KIF6: variants seen among roughly 807,000 people sequenced by gnomAD.
KIF6 encodes the protein kinesin family member 6.
In KIF6, 106 loss-of-function variants were observed where a neutral mutation model predicts 112.7. That is an observed-to-expected ratio of 0.94 (90% CI 0.80 to 1.11). KIF6 has a LOEUF of 1.11. KIF6 is among the 50% of genes least tolerant of loss of function. The pLI is 0.00. For missense variants in KIF6, 929 were observed against 964.0 expected (o/e 0.96, Z 0.48); for synonymous variants, 339 against 339.9 (o/e 1.00, Z 0.03).
chr6:39,504,272 T>C (rs576241459), intron 13 of KIF6, among the ~76,000 whole-genome samples: 83 of 152,246 alleles, frequency 5.5e-4, no homozygotes, highest in African/African-American at 1.9e-3. Flanking sequence ...ATTATCTCAA[T>C]CGAAGCAGAA....
chr6:39,501,918 A>G (rs1374566568), intron 13 of KIF6, among the ~76,000 whole-genome samples: 27 of 152,246 alleles, frequency 1.8e-4, no homozygotes. Context: ...ACTTCAGGAA[A>G]TCATCCAGGA....
chr6:39,344,735 C>G (rs1276521389), intron 21 of KIF6, among the ~76,000 whole-genome samples: 1 of 152,182 alleles, frequency 6.6e-6, no homozygotes, highest in Non-Finnish European at 1.5e-5. Flanking sequence ...TCATATCATT[C>G]AGTGCTGTGT....
intron 13 of KIF6, among the ~76,000 whole-genome samples, chr6:39,435,917 T>C (rs73424680): frequency 0.029 from 4,388 of 152,306 alleles, 211 homozygotes; most frequent in African/African-American, 0.1. Context: ...GATTTACGTT[T>C]AGTTCTTTGA....
chr6:39,491,449 C>T (rs904672192), intron 13 of KIF6, among the ~76,000 whole-genome samples: 3 of 152,256 alleles, frequency 2.0e-5, no homozygotes, highest in African/African-American at 7.2e-5. Context: ...TTCCCAAACT[C>T]CTGATCCAGA....
intron 3 of KIF6, among the ~76,000 whole-genome samples, chr6:39,671,377 G>C (rs1786807772): frequency 6.6e-6 from 1 of 152,190 alleles, no homozygotes. Context: ...GAGATCTCTA[G>C]ACTTCTCTAG....
chr6:39,512,828 C>A (rs892745478), intron 13 of KIF6, among the ~76,000 whole-genome samples: 2 of 152,120 alleles, frequency 1.3e-5, no homozygotes, highest in African/African-American at 4.8e-5. Context: ...TTATGAGGAT[C>A]TATATGAATT....
At chr6:39,473,107 A>T (rs1023118277) in intron 13 of KIF6, among the ~76,000 whole-genome samples, 1 of 152,034 alleles carries the variant, frequency 6.6e-6, no homozygotes, top group Non-Finnish European at 1.5e-5. Flanking sequence ...GCTGGCCTTG[A>T]ACTCCTGACC....
intron 13 of KIF6, among the ~76,000 whole-genome samples, chr6:39,527,623 G>A (rs1777809352): frequency 6.6e-6 from 1 of 152,074 alleles, no homozygotes; most frequent in Non-Finnish European, 1.5e-5. Context: ...AGCATACAAA[G>A]TTAAAAGAAG....
Position 39,378,434 on chromosome 6 carries a change from T to C in KIF6, c.1861+7188A>G, listed in dbSNP as rs4711596. On this transcript the variant is annotated intron_variant, in intron 16 of 22. Transcript: ENST00000287152. This position sits in a 1 kb window ranked among gnomAD's most constrained non-coding sequence, Gnocchi z 5.0. The stretch of plus-strand genomic sequence containing the variant: ...ACCACATATACACATGCATACAACA[T>C]ATATCCATACCACATACACACACAC... 0.42 allele frequency among the ~76,000 whole-genome samples: 63,467 copies of C among 151,864 alleles called. 15,028 individuals carry two copies. The highest frequency in any genetic ancestry group is 0.52 in the Non-Finnish European group (35,271 of 67,948).
Position 39,680,238 on chromosome 6 carries a change from C to T in KIF6, c.251+34454G>A, listed in dbSNP as rs1787435893. On this transcript the variant is annotated intron_variant, in intron 3 of 22. Transcript: ENST00000287152. ...GGCCAGGCTGGTTTTGAACTCCTGA[C>T]CTCAAGTGACCCGCCCACCTCAGCC... Among the ~76,000 whole-genome samples, 2 of 151,084 alleles carry T rather than the reference C, an allele frequency of 1.3e-5. 1 individual carries two copies. The highest frequency in any genetic ancestry group is 4.2e-4 in the South Asian group (2 of 4,754).
chr6:39,546,572 T>A (rs911364559), intron 10 of KIF6, among the ~76,000 whole-genome samples: 1 of 152,196 alleles, frequency 6.6e-6, no homozygotes, highest in African/African-American at 2.4e-5. Context: ...ACACTTGTAA[T>A]CCCAGCACTT....
intron 6 of KIF6, among the ~76,000 whole-genome samples, chr6:39,602,782 C>T (rs914156044): frequency 6.6e-6 from 1 of 152,160 alleles, no homozygotes; most frequent in African/African-American, 2.4e-5. Flanking sequence ...CTACTCTCTA[C>T]ATCTTCAATT....
At chr6:39,440,579 AC>A (rs1771854064) in intron 13 of KIF6, among the ~76,000 whole-genome samples, 1 of 151,704 alleles carries the variant, frequency 6.6e-6, no homozygotes, top group Non-Finnish European at 1.5e-5. Flanking sequence ...GGAATCCAGC[AC>A]CCCCTCACTG....
chr6:39,637,169 G>A (rs1279100802), intron 4 of KIF6, among the ~76,000 whole-genome samples: 2 of 152,038 alleles, frequency 1.3e-5, no homozygotes, highest in Non-Finnish European at 2.9e-5. Flanking sequence ...ATCTGCAGTG[G>A]AGAAAATCTC....
intron 3 of KIF6, among the ~76,000 whole-genome samples, chr6:39,676,968 G>T (rs1460517485): frequency 6.6e-6 from 1 of 151,834 alleles, no homozygotes; most frequent in Non-Finnish European, 1.5e-5. Context: ...TTTATAAAGA[G>T]ACTCAACTAA....
chr6:39,373,338 C>T (rs2072204348), intron 16 of KIF6, among the ~76,000 whole-genome samples: 1 of 152,190 alleles, frequency 6.6e-6, no homozygotes, highest in Non-Finnish European at 1.5e-5. Context: ...GTAAATATGG[C>T]TAGAGCAGTG....
At position 39,556,583 on chromosome 6, in the gene KIF6, C is replaced by A. The variant is rs541554725; in HGVS notation, c.1182-10895G>T. On this transcript the variant is annotated intron_variant, in intron 10 of 22. Coordinates refer to ENST00000287152, the MANE Select transcript of KIF6 (RefSeq NM_145027.6). ...GAAGCCACCAAAGCAGCCCCTCTGA[C>A]CAGAACAGGGGCCAGAGATCAAGTC... is the stretch of plus-strand genomic sequence containing the variant. Among the ~76,000 whole-genome samples the A allele has an allele frequency of 1.6e-4, 24 of 152,116 alleles. No homozygotes were observed. The Middle Eastern group carries it at 0.01, about 65-fold the overall frequency.
intron 3 of KIF6, among the ~76,000 whole-genome samples, chr6:39,682,213 C>A (rs1195687820): frequency 1.3e-5 from 2 of 152,184 alleles, no homozygotes; most frequent in African/African-American, 2.4e-5. Flanking sequence ...GTGATACATT[C>A]TGTGAAATCC....
At chr6:39,337,938 C>A (rs1763121666) in intron 22 of KIF6, among the ~76,000 whole-genome samples, 1 of 152,212 alleles carries the variant, frequency 6.6e-6, no homozygotes, top group Non-Finnish European at 1.5e-5. Flanking sequence ...CATGGACCAG[C>A]AGTGCTGGCA....
Sources: allele counts gnomAD v4.1 joint callset (sites outside exome capture counted in the v4.1 genomes callset), GRCh38; gene constraint gnomAD v4.1.1; non-coding constraint Gnocchi (gnomAD v3.1); transcripts MANE v1.5; gene names NCBI Gene and HGNC (gene_info 2026-07-23, HGNC 2026-07-21).